Variants in SRGAP1 observed in about 807,000 individuals in gnomAD.
SRGAP1 encodes the protein SLIT-ROBO Rho GTPase activating protein 1, also known as SLIT-ROBO Rho GTPase-activating protein 1.
Under a neutral mutation model 121.9 loss-of-function variants are expected in SRGAP1, and 43 were observed. That is an observed-to-expected ratio of 0.35 (90% CI 0.28 to 0.46). The LOEUF (loss-of-function observed/expected upper bound fraction) is 0.46, where lower values mean the gene tolerates loss of function less well. Ranked by LOEUF, SRGAP1 falls within the 20% of genes least tolerant of loss-of-function variation. The probability of loss-of-function intolerance (pLI) is 1.00; values close to 1 mark genes in which losing one functional copy is unlikely to be tolerated. For synonymous variants in SRGAP1, 447 were observed against 485.4 expected (o/e 0.92, Z 1.04); for missense variants, 1,102 against 1,350.9 (o/e 0.82, Z 2.89).
Position 63,902,559 on chromosome 12 carries a change from A to G in SRGAP1, c.67+57676A>G, listed in dbSNP as rs148273885. ...TCAGAGAGACTGGAGGCATCTGTTC[A>G]AAAGTCTTCCCTAAAATGATGGACT... On this transcript the variant is annotated intron_variant, in intron 1 of 21. Transcript: ENST00000355086. Among the ~76,000 whole-genome samples, 484 of 152,328 alleles carry G rather than the reference A, an allele frequency of 3.2e-3. 3 individuals carry two copies. The highest frequency in any genetic ancestry group is 0.011 in the African/African-American group (440 of 41,584).
chr12:63,899,163 C>G (rs2136304227), intron 1 of SRGAP1, among the ~76,000 whole-genome samples: 1 of 152,180 alleles, frequency 6.6e-6, no homozygotes, highest in African/African-American at 2.4e-5. Context: ...GGGTGGATCA[C>G]TTTAGTTCAG....
At chr12:63,981,795 C>T (rs2136405431) in intron 1 of SRGAP1, among the ~76,000 whole-genome samples, 1 of 152,316 alleles carries the variant, frequency 6.6e-6, no homozygotes, top group Admixed American at 6.5e-5. Flanking sequence ...CCAGAAACAG[C>T]AGTATCTGAA....
At chr12:63,958,574 A>G (rs981852688) in intron 1 of SRGAP1, among the ~76,000 whole-genome samples, 3 of 152,182 alleles carry the variant, frequency 2.0e-5, no homozygotes, top group Non-Finnish European at 1.5e-5. Flanking sequence ...ATATCATTTT[A>G]AAAATACTGA....
At chr12:63,881,970 A>G (rs1900209710) in intron 1 of SRGAP1, among the ~76,000 whole-genome samples, 1 of 152,182 alleles carries the variant, frequency 6.6e-6, no homozygotes, top group Middle Eastern at 3.2e-3. Flanking sequence ...GGACTGCAGT[A>G]TTGGGAAATA....
At chr12:63,996,122 T>C (rs1049150527) in intron 3 of SRGAP1, among the ~76,000 whole-genome samples, 43 of 151,968 alleles carry the variant, frequency 2.8e-4, no homozygotes, top group African/African-American at 8.7e-4. Flanking sequence ...AAAATAGATA[T>C]AGATTGTAGA....
chr12:64,120,559 C>G (rs1024994309), intron 18 of SRGAP1: 1 of 151,824 alleles, frequency 6.6e-6, no homozygotes, highest in Non-Finnish European at 1.5e-5. Context: ...TTGAGAGCTA[C>G]AAGGGGATAA....
chr12:64,142,870 C>A lies in SRGAP1; in HGVS notation c.*198C>A. Reference sequence around the variant, plus strand: ...TGTATTTTGTAATTTTTTTAAATAACTGGACATATGTCATTTTAAGGACAA... The same window carrying A: ...TGTATTTTGTAATTTTTTTAAATAAATGGACATATGTCATTTTAAGGACAA... On this transcript the variant is annotated 3_prime_UTR_variant, in exon 22 of 22. Coordinates refer to ENST00000355086, the MANE Select transcript of SRGAP1 (RefSeq NM_020762.4). The A allele has an allele frequency of 1.4e-6, 1 of 694,254 alleles. No homozygotes were observed. The highest frequency in any genetic ancestry group is 2.3e-6 in the Non-Finnish European group (1 of 426,924). The allele number at this position is 694,254 out of a possible 1,614,324, so 43.0% of individuals were successfully genotyped here.
At chr12:64,009,539 C>G (rs1452700164) in intron 3 of SRGAP1, among the ~76,000 whole-genome samples, 1 of 152,116 alleles carries the variant, frequency 6.6e-6, no homozygotes, top group Admixed American at 6.6e-5. Context: ...TTCAAATTGT[C>G]TGCTGGAAGG....
chr12:64,140,836 G>A (rs1473289141), intron 21 of SRGAP1, among the ~76,000 whole-genome samples: 14 of 132,154 alleles, frequency 1.1e-4, no homozygotes, highest in African/African-American at 3.0e-4. Flanking sequence ...TGTTTATTGC[G>A]GCATTATTCA....
Position 64,115,870 on chromosome 12 carries a change from C to T in SRGAP1, c.2201C>T (p.Thr734Ile), listed in dbSNP as rs371767584. 9.3e-6 allele frequency: 15 copies of T among 1,613,120 alleles called. No individual in the cohort carries two copies. The highest frequency in any genetic ancestry group is 1.0e-5 in the Non-Finnish European group (12 of 1,179,544). ...GAGGAAGTGGACCAAGATGCTGGTA[C>T]AGAGCCCCACACAAGTGAAGATGGT... ...TLEEVDQDAGTEPHTSEDECE... is the reference protein window; with the variant it reads ...TLEEVDQDAGIEPHTSEDECE... Residue 734 changes from threonine (T) to isoleucine (I), a missense_variant, in exon 18 of 22, where the codon ACA becomes ATA. Transcript: ENST00000355086.
chr12:63,989,806 C>T, intron 2 of SRGAP1, 104 bp from the exon 3 acceptor site: 1 of 804,798 alleles, frequency 1.2e-6, no homozygotes, highest in South Asian at 1.7e-5. Context: ...ATGCACAGCA[C>T]AGTATCCATC....
intron 8 of SRGAP1, among the ~76,000 whole-genome samples, chr12:64,072,999 G>T (rs1223560650): frequency 1.3e-5 from 2 of 152,084 alleles, no homozygotes; most frequent in African/African-American, 4.8e-5. Context: ...TCAAATCTTT[G>T]GCCTCTCCTT....
intron 1 of SRGAP1, among the ~76,000 whole-genome samples, chr12:63,890,588 G>A (rs551175061): frequency 6.6e-6 from 1 of 152,262 alleles, no homozygotes; most frequent in East Asian, 1.9e-4. Context: ...TGGGCCCTGT[G>A]CCCAGCCCTC....
At chr12:64,066,890 T>C (rs964821214) in intron 8 of SRGAP1, among the ~76,000 whole-genome samples, 32 of 152,346 alleles carry the variant, frequency 2.1e-4, no homozygotes, top group African/African-American at 6.7e-4. Context: ...TCCCTTGTTT[T>C]TCCCTGCATA....
chr12:63,987,138 C>G (rs747383118), intron 2 of SRGAP1, among the ~76,000 whole-genome samples: 1 of 152,198 alleles, frequency 6.6e-6, no homozygotes, highest in African/African-American at 2.4e-5. Context: ...CGATTGATAA[C>G]CAGCCCAGGA....
intron 4 of SRGAP1, among the ~76,000 whole-genome samples, chr12:64,033,322 C>G (rs1408552604): frequency 6.6e-6 from 1 of 152,150 alleles, no homozygotes; most frequent in Non-Finnish European, 1.5e-5. Flanking sequence ...GATTTCATTT[C>G]AGTGGAGTCA....
intron 4 of SRGAP1, among the ~76,000 whole-genome samples, chr12:64,024,736 G>T (rs1175263668): frequency 3.3e-5 from 5 of 152,192 alleles, no homozygotes; most frequent in African/African-American, 1.2e-4. Flanking sequence ...GGTTGGGAGG[G>T]CTCAGGGAAC....
At chr12:63,988,053 C>G (rs2033463547) in intron 2 of SRGAP1, among the ~76,000 whole-genome samples, 1 of 152,144 alleles carries the variant, frequency 6.6e-6, no homozygotes, top group Admixed American at 6.5e-5. Flanking sequence ...CAGTGCAGCT[C>G]CAGAGGCCAT....
At chr12:63,993,097 A>G (rs747020451) in intron 3 of SRGAP1, among the ~76,000 whole-genome samples, 12 of 152,196 alleles carry the variant, frequency 7.9e-5, no homozygotes, top group Admixed American at 2.6e-4. Flanking sequence ...GAGGAGTAAG[A>G]TCAACCCCTA....
Sources: allele counts gnomAD v4.1 joint callset (sites outside exome capture counted in the v4.1 genomes callset), GRCh38; gene constraint gnomAD v4.1.1; transcripts MANE v1.5; gene names NCBI Gene and HGNC (gene_info 2026-07-23, HGNC 2026-07-21).